ENTREP2: variants seen among roughly 807,000 people sequenced by gnomAD.
ENTREP2 encodes the protein protein ENTREP2.
At chr15:29,330,920 C>T in the ENTREP2 span, among the ~76,000 whole-genome samples, 4 of 152,146 alleles carry the variant, frequency 2.6e-5, no homozygotes, top group Admixed American at 2.0e-4. Context: ...GCAATCACAA[C>T]GCATAAATAT....
the ENTREP2 span, among the ~76,000 whole-genome samples, chr15:29,182,906 A>G: frequency 1.3e-5 from 2 of 152,334 alleles, no homozygotes; most frequent in East Asian, 3.9e-4. Context: ...GTAATAATTG[A>G]TGACTATCCA....
At chr15:29,151,300 A>C in the ENTREP2 span, among the ~76,000 whole-genome samples, 21,736 of 152,188 alleles carry the variant, frequency 0.14, 1,951 homozygotes, top group Non-Finnish European at 0.2. Context: ...GTTCATTAGC[A>C]AATCAAAAAT....
chr15:29,287,088 A>T, the ENTREP2 span, among the ~76,000 whole-genome samples: 2 of 152,190 alleles, frequency 1.3e-5, no homozygotes, highest in African/African-American at 4.8e-5. Context: ...AGTCATAGGA[A>T]CAAGTCATGT....
the ENTREP2 span, among the ~76,000 whole-genome samples, chr15:29,360,780 A>T: frequency 1.3e-5 from 2 of 152,190 alleles, no homozygotes; most frequent in African/African-American, 4.8e-5. Context: ...GTGTGGGGGC[A>T]AAAAGAGTCC....
chr15:29,198,544 G>T, the ENTREP2 span, among the ~76,000 whole-genome samples: 1 of 152,024 alleles, frequency 6.6e-6, no homozygotes, highest in Admixed American at 6.6e-5. Context: ...TTTGGGGGTG[G>T]GTGGGTTTGT....
At chr15:29,133,075 C>A in the ENTREP2 span, among the ~76,000 whole-genome samples, 5 of 152,190 alleles carry the variant, frequency 3.3e-5, no homozygotes, top group Non-Finnish European at 7.4e-5. Flanking sequence ...CTGGCTACAG[C>A]ATGGAGCTTC....
the ENTREP2 span, among the ~76,000 whole-genome samples, chr15:29,297,325 A>G: frequency 1.3e-5 from 2 of 152,202 alleles, no homozygotes; most frequent in African/African-American, 4.8e-5. Context: ...ATCATAGGGA[A>G]TAATAATTGC....
chr15:29,199,774 C>A, the ENTREP2 span, among the ~76,000 whole-genome samples: 1 of 152,294 alleles, frequency 6.6e-6, no homozygotes, highest in East Asian at 1.9e-4. Flanking sequence ...TTTGCTCCTA[C>A]ACTTTTGGTG....
the ENTREP2 span, among the ~76,000 whole-genome samples, chr15:29,341,193 C>G: frequency 6.6e-6 from 1 of 152,206 alleles, no homozygotes; most frequent in Non-Finnish European, 1.5e-5. Context: ...TGTGTCAGAG[C>G]TACAACTAAA....
At chr15:29,210,659 G>T in the ENTREP2 span, among the ~76,000 whole-genome samples, 1 of 152,100 alleles carries the variant, frequency 6.6e-6, no homozygotes, top group East Asian at 1.9e-4. Context: ...TGGAAAAATT[G>T]TCTTCCACAA....
At chr15:29,649,647 G>T in the ENTREP2 span, among the ~76,000 whole-genome samples, 1 of 149,506 alleles carries the variant, frequency 6.7e-6, no homozygotes, top group African/African-American at 2.5e-5. Context: ...CTGAACCTGG[G>T]AGATGGAAGT....
chr15:29,316,807 T>C, the ENTREP2 span, among the ~76,000 whole-genome samples: 1 of 152,222 alleles, frequency 6.6e-6, no homozygotes, highest in East Asian at 1.9e-4. Flanking sequence ...AAAAATTTCC[T>C]ATGTTTTGGG....
At chr15:29,375,819 A>G in the ENTREP2 span, 1 of 152,206 alleles carries the variant, frequency 6.6e-6, no homozygotes, top group African/African-American at 2.4e-5. Flanking sequence ...ACAGAGAGCC[A>G]AAGCAGCCAT....
the ENTREP2 span, among the ~76,000 whole-genome samples, chr15:29,197,765 C>CAA: frequency 3.2e-3 from 381 of 117,682 alleles, 1 homozygote; most frequent in African/African-American, 0.011. Context: ...GACTCCATCT[C>CAA]AAAAAAAAAA....
At chr15:29,394,447 A>C in the ENTREP2 span, among the ~76,000 whole-genome samples, 1 of 152,212 alleles carries the variant, frequency 6.6e-6, no homozygotes, top group South Asian at 2.1e-4. Context: ...CAGTTTAGAA[A>C]GCCACAATAG....
chr15:29,470,533 G>A, the ENTREP2 span, among the ~76,000 whole-genome samples: 1 of 152,200 alleles, frequency 6.6e-6, no homozygotes, highest in Non-Finnish European at 1.5e-5. Flanking sequence ...CCTTCACCGC[G>A]GCTGCCGCTA....
chr15:29,334,145 G>A, the ENTREP2 span, among the ~76,000 whole-genome samples: 2 of 152,162 alleles, frequency 1.3e-5, no homozygotes, highest in East Asian at 1.9e-4. Context: ...TGTTATGGGA[G>A]CCCAAGGATA....
chr15:29,382,688 C>G, the ENTREP2 span, among the ~76,000 whole-genome samples: 338 of 152,266 alleles, frequency 2.2e-3, 4 homozygotes, highest in African/African-American at 8.0e-3. Flanking sequence ...AGAACCACTG[C>G]TTAGCCCTGT....
At chr15:29,128,513 G>A in the ENTREP2 span, among the ~76,000 whole-genome samples, 8 of 152,136 alleles carry the variant, frequency 5.3e-5, no homozygotes, top group Non-Finnish European at 1.0e-4. Flanking sequence ...CCTCAAGTGA[G>A]AAAGTGGGGC....
Sources: allele counts gnomAD v4.1 joint callset (sites outside exome capture counted in the v4.1 genomes callset), GRCh38; gene constraint gnomAD v4.1.1; transcripts MANE v1.5; gene names NCBI Gene and HGNC (gene_info 2026-07-23, HGNC 2026-07-21).